ZNF138: variants seen among roughly 807,000 people sequenced by gnomAD.
ZNF138 encodes zinc finger protein 138.
A neutral mutation model predicts 33.0 loss-of-function variants in ZNF138; 33 were observed. The ratio of observed to expected loss-of-function variants is 1.00; its 90% confidence interval spans 0.76 to 1.34. The LOEUF (loss-of-function observed/expected upper bound fraction) is 1.34. Ranked by LOEUF, ZNF138 falls within the 40% of genes most tolerant of loss-of-function variation. ZNF138 has a pLI of 0.00. For synonymous variants in ZNF138, 139 were observed against 120.4 expected, an observed-to-expected ratio of 1.15 and a Z score of -1.01; for missense variants, 360 against 370.8, an observed-to-expected ratio of 0.97 and a Z score of 0.24.
chr7:64,820,476 G>A (rs1202403859), intron 3 of ZNF138, among the ~76,000 whole-genome samples: 2 of 151,566 alleles, frequency 1.3e-5, no homozygotes, highest in African/African-American at 2.4e-5. Context: ...GTGAATACTG[G>A]TACAATAAAC....
Position 64,816,133 on chromosome 7 carries a change from G to A in ZNF138, c.208+480G>A, listed in dbSNP as rs113790703. On this transcript the variant is annotated intron_variant, in intron 3 of 3. Transcript: ENST00000307355. ...AATGTAGTTTGAAATTATGAAATAT[G>A]ATGTCCCTCTACTTTGTTCTTTTTC... is the stretch of plus-strand genomic sequence containing the variant. Among the ~76,000 whole-genome samples, 373 of 151,994 alleles carry A rather than the reference G, an allele frequency of 2.5e-3. 3 individuals carry two copies. The highest frequency in any genetic ancestry group is 8.5e-3 in the African/African-American group (353 of 41,484).
At chr7:64,798,068 G>A (rs115511433) in intron 1 of ZNF138, among the ~76,000 whole-genome samples, 2,185 of 152,258 alleles carry the variant, frequency 0.014, 54 homozygotes, top group African/African-American at 0.05. Flanking sequence ...AGCCTCCTGA[G>A]AAGCTGGGAT....
At chr7:64,805,606 C>T (rs1787531990) in intron 1 of ZNF138, among the ~76,000 whole-genome samples, 1 of 152,080 alleles carries the variant, frequency 6.6e-6, no homozygotes. Context: ...GGCTGTGTCT[C>T]AAGGGAAGAT....
At position 64,831,628 on chromosome 7, in the gene ZNF138, A is replaced by G; in HGVS notation, c.386A>G (p.Gln129Arg). 1 of 1,609,288 alleles carries G rather than the reference A, an allele frequency of 6.2e-7. No homozygotes were observed. Reference protein sequence around the residue: ...GHQGGFNGLNQCLKITTSKIF... With the variant: ...GHQGGFNGLNRCLKITTSKIF... Reference sequence around the variant, plus strand: ...CAAGGAGGTTTTAATGGACTTAACCAATGTTTGAAAATTACCACAAGCAAA... The same window carrying G: ...CAAGGAGGTTTTAATGGACTTAACCGATGTTTGAAAATTACCACAAGCAAA... Residue 129 changes from glutamine (Q) to arginine (R), a missense_variant, in exon 4 of 4, where the codon CAA (glutamine) becomes CGA (arginine). Gln to Arg is a conservative substitution (Grantham distance 43). Transcript: ENST00000307355.
At chr7:64,794,644 C>T (rs918244545) in intron 1 of ZNF138, 73 bp downstream of exon 1, 9 of 1,605,954 alleles carry the variant, frequency 5.6e-6, no homozygotes, top group Non-Finnish European at 6.8e-6. Flanking sequence ...GTGGCTGTGG[C>T]AGTACTCGGG....
intron 1 of ZNF138, among the ~76,000 whole-genome samples, chr7:64,798,790 A>AG (rs890854329): frequency 6.6e-6 from 1 of 151,898 alleles, no homozygotes; most frequent in Non-Finnish European, 1.5e-5. Flanking sequence ...AAAAAAAAAA[A>AG]AAAAGGAAAT....
chr7:64,801,506 C>A (rs570135593), intron 1 of ZNF138, among the ~76,000 whole-genome samples: 1 of 152,054 alleles, frequency 6.6e-6, no homozygotes, highest in Non-Finnish European at 1.5e-5. Flanking sequence ...ATATTTTAAT[C>A]AATCTGTGGT....
At chr7:64,853,086 T>C in the ZNF138 span, 2 of 1,414,718 alleles carry the variant, frequency 1.4e-6, no homozygotes, top group African/African-American at 1.4e-5. Context: ...TCGTCTACAA[T>C]TGGGTAAATG....
At chr7:64,840,847 G>A in the ZNF138 span, among the ~76,000 whole-genome samples, 6 of 152,110 alleles carry the variant, frequency 3.9e-5, no homozygotes, top group South Asian at 1.2e-3. Flanking sequence ...ATAAACCTTA[G>A]GTGCAAGAAA....
intron 1 of ZNF138, among the ~76,000 whole-genome samples, chr7:64,810,609 A>C (rs868448978): frequency 5.9e-5 from 9 of 151,640 alleles, no homozygotes; most frequent in Non-Finnish European, 1.2e-4. Context: ...GTGACTAAAA[A>C]AGATTAGAAG....
In ZNF138 at chr7:64,832,445, C is replaced by T; in HGVS notation, c.*243C>T. 3 of 1,422,892 alleles carry T rather than the reference C, an allele frequency of 2.1e-6. No homozygotes were observed. The highest frequency in any genetic ancestry group is 2.8e-6 in the Non-Finnish European group (3 of 1,074,030). 88.1% of individuals were successfully genotyped at this position (1,422,892 alleles called of 1,614,324 possible). The stretch of plus-strand genomic sequence containing the variant: ...GTAAAGAATGTGGAAAAGCTTTTCA[C>T]CGATACTCAATCCTTAGTACACATA... On this transcript the variant is annotated 3_prime_UTR_variant, in exon 4 of 4. Coordinates refer to ENST00000307355, the MANE Select transcript of ZNF138 (RefSeq NM_001271639.2).
intron 1 of ZNF138, among the ~76,000 whole-genome samples, chr7:64,802,684 C>A (rs555771078): frequency 3.3e-5 from 5 of 152,110 alleles, no homozygotes; most frequent in Non-Finnish European, 7.4e-5. Flanking sequence ...ATAAAAAATT[C>A]AGAGCTTAGT....
Position 64,832,367 on chromosome 7 carries a change from C to T in ZNF138, c.*165C>T, listed in dbSNP as rs1424985473. ...AATGTGGCAGAGCTTTTAACCAGTC[C>T]GCAAAGCTCACTGAACATAAGTTAA... On this transcript the variant is annotated 3_prime_UTR_variant, in exon 4 of 4. Transcript: ENST00000307355. The T allele has an allele frequency of 3.0e-5, 47 of 1,548,322 alleles. No homozygotes were observed. Among genetic ancestry groups the T allele is most frequent in the Admixed American group, 1.4e-4 (7 of 48,342 alleles).
chr7:64,818,184 C>T (rs1788830634), intron 3 of ZNF138, among the ~76,000 whole-genome samples: 1 of 151,726 alleles, frequency 6.6e-6, no homozygotes, highest in African/African-American at 2.4e-5. Flanking sequence ...TAGGGTTTCA[C>T]CATGCTGGCC....
the ZNF138 span, among the ~76,000 whole-genome samples, chr7:64,859,555 G>T: frequency 6.6e-6 from 1 of 152,192 alleles, no homozygotes; most frequent in South Asian, 2.1e-4. Context: ...GACTATCAGA[G>T]AATTTTTCAA....
chr7:64,823,491 A>G (rs530892370), intron 3 of ZNF138, among the ~76,000 whole-genome samples: 9 of 152,132 alleles, frequency 5.9e-5, no homozygotes, highest in African/African-American at 1.7e-4. Context: ...ATGCACTACC[A>G]TGTTCAACTA....
chr7:64,849,519 T>C, the ZNF138 span, among the ~76,000 whole-genome samples: 97 of 152,064 alleles, frequency 6.4e-4, no homozygotes, highest in African/African-American at 2.3e-3. Context: ...ATATATGATA[T>C]TTGTTTTCAG....
chr7:64,814,700 T>C (rs1180490829), intron 1 of ZNF138, among the ~76,000 whole-genome samples: 2 of 152,052 alleles, frequency 1.3e-5, no homozygotes, highest in Non-Finnish European at 2.9e-5. Context: ...GAGGCAGAGG[T>C]TGCAGTGAGC....
the ZNF138 span, among the ~76,000 whole-genome samples, chr7:64,851,350 T>C: frequency 6.6e-6 from 1 of 152,194 alleles, no homozygotes; most frequent in African/African-American, 2.4e-5. Context: ...AAATTAAGTA[T>C]TTATTTGAAT....
Sources: allele counts gnomAD v4.1 joint callset (sites outside exome capture counted in the v4.1 genomes callset), GRCh38; gene constraint gnomAD v4.1.1; transcripts MANE v1.5; gene names NCBI Gene and HGNC (gene_info 2026-07-23, HGNC 2026-07-21).